CCT7: variants seen among roughly 807,000 people sequenced by gnomAD.
CCT7 encodes the protein T-complex protein 1 subunit eta.
In CCT7, 16 loss-of-function variants were observed where a neutral mutation model predicts 56.6. That is an observed-to-expected ratio of 0.28 (90% CI 0.19 to 0.43). CCT7 has a LOEUF of 0.43. CCT7 is among the 20% of genes least tolerant of loss of function. The probability of loss-of-function intolerance (pLI) is 1.00; values close to 1 mark genes in which losing one functional copy is unlikely to be tolerated. For synonymous variants in CCT7, 262 were observed against 254.8 expected, an observed-to-expected ratio of 1.03 and a Z score of -0.27; for missense variants, 519 against 685.6, an observed-to-expected ratio of 0.76 and a Z score of 2.71.
intron 10 of CCT7, among the ~76,000 whole-genome samples, chr2:73,250,836 A>T (rs1271433108): frequency 6.6e-6 from 1 of 151,734 alleles, no homozygotes; most frequent in African/African-American, 2.4e-5. Flanking sequence ...GCTACTCGGG[A>T]GGCTGAGGTG....
intron 11 of CCT7, 22 bp from the exon 12 acceptor site, chr2:73,252,618 C>G (rs989204262): frequency 5.0e-6 from 8 of 1,591,206 alleles, no homozygotes; most frequent in East Asian, 4.5e-5. Flanking sequence ...ATATTACCTC[C>G]TTTCTTTTCC....
chr2:73,246,056 G>C (rs1687319923), intron 6 of CCT7, among the ~76,000 whole-genome samples: 1 of 152,152 alleles, frequency 6.6e-6, no homozygotes. Flanking sequence ...CCTGGCAAGA[G>C]AGCCAGGGAC....
chr2:73,249,289 G>T (rs74843370), intron 8 of CCT7, 110 bp downstream of exon 8: 17 of 621,088 alleles, frequency 2.7e-5, no homozygotes, highest in South Asian at 5.8e-5. Flanking sequence ...ATTGAGCCCT[G>T]TTTTTTTTTT....
chr2:73,240,497 C>G lies in CCT7; in HGVS notation c.221C>G (p.Pro74Arg), dbSNP rs1687059502. Residue 74 changes from proline to arginine, a missense_variant, in exon 3 of 12, where the codon CCT (proline) becomes CGT (arginine). Around this residue, in one of 3 missense-constraint regions of CCT7, gnomAD observed 276 missense variants for 357.3 expected, o/e 0.77. Coordinates refer to ENST00000258091, the MANE Select transcript of CCT7 (RefSeq NM_006429.4). ...TILKLLDVVH[P>R]AAKTLVDIAK... ...CTGAAACTTCTTGATGTTGTCCATC[C>G]TGCAGCAAAGACTTTGGTAGACATT... 1 of 1,611,792 alleles carries G rather than the reference C, an allele frequency of 6.2e-7. No individual in the cohort carries two copies. Among genetic ancestry groups the G allele is most frequent in the East Asian group, 2.2e-5 (1 of 44,762 alleles).
Position 73,238,065 on chromosome 2 carries a change from C to T in CCT7, c.7-1578C>T, listed in dbSNP as rs138740142. On this transcript the variant is annotated intron_variant, in intron 1 of 11. Coordinates refer to ENST00000258091, the MANE Select transcript of CCT7 (RefSeq NM_006429.4). The stretch of plus-strand genomic sequence containing the variant: ...AAATGAATAATATATTAAATTACTC[C>T]CACTCTCTTATTCCGTAGAGTTTAT... Among the ~76,000 whole-genome samples the T allele has an allele frequency of 1.2e-3, 187 of 152,202 alleles. 4 individuals carry two copies. In the East Asian group the frequency reaches 0.029, roughly 24 times the overall value.
rs1558569787 is a variant in CCT7 at position 73,250,008 on chromosome 2, C to T, written c.1070+92C>T. 6.6e-6 allele frequency: 6 copies of T among 911,476 alleles called. No homozygotes were observed. In the East Asian group the frequency reaches 7.2e-5, roughly 11 times the overall value. The allele number at this position is 911,476 out of a possible 1,614,324, so 56.5% of individuals were successfully genotyped here. The stretch of plus-strand genomic sequence containing the variant: ...GTGGTATACAGCTTTTACAAAGTCT[C>T]ACCTTTGTGTACAAAGTGGTATACA... On this transcript the variant is annotated intron_variant, in intron 9 of 11. Transcript: ENST00000258091.
chr2:73,239,621 A>G, intron 1 of CCT7, 22 bp from the exon 2 acceptor site: 1 of 1,609,648 alleles, frequency 6.2e-7, no homozygotes, highest in Non-Finnish European at 8.5e-7. Flanking sequence ...TATTAAAAGC[A>G]GTTAATTTCT....
intron 1 of CCT7, among the ~76,000 whole-genome samples, chr2:73,236,410 T>A (rs1218345896): frequency 3.9e-5 from 6 of 152,062 alleles, no homozygotes; most frequent in Non-Finnish European, 8.8e-5. Context: ...GGCACCATCT[T>A]GGCTCACTGC....
Position 73,240,509 on chromosome 2 carries a change from C to G in CCT7, c.233C>G (p.Thr78Ser). The G allele has an allele frequency of 2.5e-6, 4 of 1,610,196 alleles. No individual in the cohort carries two copies. Among genetic ancestry groups the G allele is most frequent in the Non-Finnish European group, 3.4e-6 (4 of 1,177,812 alleles). The change falls in exon 3 of 12, where the codon ACT becomes AGT. Residue 78 changes from threonine to serine, a missense_variant. Transcript: ENST00000258091. ...GATGTTGTCCATCCTGCAGCAAAGA[C>G]TTTGGTAGACATTGCCAAATCCCAA... ...LLDVVHPAAK[T>S]LVDIAKSQDA...
intron 8 of CCT7, 138 bp from the exon 9 acceptor site, chr2:73,249,681 G>A (rs1036196252): frequency 1.4e-5 from 9 of 664,728 alleles, no homozygotes; most frequent in East Asian, 7.6e-5. Context: ...GGGAAGGGTC[G>A]CCTGGAAGTC....
In CCT7 at chr2:73,250,331, A is replaced by G. The variant is rs1208548060; in HGVS notation, c.1096A>G (p.Lys366Glu). 4.3e-6 allele frequency: 7 copies of G among 1,613,998 alleles called. No homozygotes were observed. Among genetic ancestry groups the G allele is most frequent in the Admixed American group, 1.7e-5 (1 of 59,992 alleles). ...ERYNFFTGCP[K>E]AKTCTFILRG... is the part of the protein sequence containing the mutation. Reference sequence around the variant, plus strand: ...GTACAATTTTTTTACTGGCTGCCCCAAGGCCAAGACATGCACCTTCATTCT... The same window carrying G: ...GTACAATTTTTTTACTGGCTGCCCCGAGGCCAAGACATGCACCTTCATTCT... Residue 366 changes from lysine to glutamate, a missense_variant, in exon 10 of 12, where the codon AAG becomes GAG. Physicochemically the swap from Lys to Glu is moderately conservative, Grantham distance 56. Transcript: ENST00000258091.
intron 1 of CCT7, among the ~76,000 whole-genome samples, chr2:73,236,826 C>T (rs1686905270): frequency 6.6e-6 from 1 of 152,164 alleles, no homozygotes; most frequent in African/African-American, 2.4e-5. Context: ...CTCTACCCAG[C>T]CTGCTGTTTC....
Position 73,234,363 on chromosome 2 carries a change from T to A in CCT7, c.-16T>A. ...AGAAGAGGGGAGAGTGGCGGGCCGC[T>A]GAATAAGCTTCCAAAATGATGGTGA... On this transcript the variant is annotated 5_prime_UTR_variant, in exon 1 of 12. Transcript: ENST00000258091. The A allele has an allele frequency of 3.7e-6, 6 of 1,613,420 alleles. No individual in the cohort carries two copies. Among genetic ancestry groups the A allele is most frequent in the Non-Finnish European group, 5.1e-6 (6 of 1,179,962 alleles).
intron 3 of CCT7, 98 bp from the exon 4 acceptor site, chr2:73,242,905 TA>T: frequency 7.1e-7 from 1 of 1,403,910 alleles, no homozygotes; most frequent in Non-Finnish European, 9.9e-7. Flanking sequence ...TCCATTTAAA[TA>T]ATATTCAGTT....
intron 3 of CCT7, among the ~76,000 whole-genome samples, chr2:73,240,770 A>G (rs1687072179): frequency 1.3e-5 from 2 of 152,216 alleles, no homozygotes; most frequent in South Asian, 2.1e-4. Context: ...GTCTTTAGAT[A>G]TAAGTCTACT....
At chr2:73,242,689 T>C (rs1219675721) in intron 3 of CCT7, among the ~76,000 whole-genome samples, 1 of 152,256 alleles carries the variant, frequency 6.6e-6, no homozygotes, top group East Asian at 1.9e-4. Context: ...TCACAATGCC[T>C]TGTACGTAAC....
Position 73,243,033 on chromosome 2 carries a change from G to T in CCT7, c.297G>T (p.Leu99Phe). The change falls in exon 4 of 12, where the codon TTG (leucine) becomes TTT (phenylalanine). Residue 99 changes from leucine (L) to phenylalanine (F), a missense_variant. Transcript: ENST00000258091. ...EVGDGTTSVT[L>F]LAAEFLKQVK... The stretch of plus-strand genomic sequence containing the variant: ...GTGATGGCACCACCTCAGTGACCTT[G>T]CTGGCTGCAGAGTTTCTGAAGCAGG... 1.2e-6 allele frequency: 2 copies of T among 1,613,952 alleles called. No homozygotes were observed. The highest frequency in any genetic ancestry group is 1.7e-6 in the Non-Finnish European group (2 of 1,179,862).
intron 1 of CCT7, among the ~76,000 whole-genome samples, chr2:73,238,213 T>A (rs1686960808): frequency 6.6e-6 from 1 of 152,120 alleles, no homozygotes; most frequent in Non-Finnish European, 1.5e-5. Flanking sequence ...TTTATGTAAA[T>A]CACAGTATGC....
chr2:73,252,213 T>C (rs1687621913), intron 11 of CCT7, among the ~76,000 whole-genome samples: 1 of 152,104 alleles, frequency 6.6e-6, no homozygotes, highest in Admixed American at 6.5e-5. Flanking sequence ...AAAGTCACTT[T>C]ACCTCTGTGT....
Sources: gnomAD v4.1 joint callset for allele counts (sites outside exome capture counted in the v4.1 genomes callset) on GRCh38, gnomAD v4.1.1 for gene constraint, gnomAD v4.1.1 regional missense constraint, MANE v1.5 for transcripts, NCBI Gene and HGNC (gene_info 2026-07-23, HGNC 2026-07-21) for gene names.